The following USH2A variants were observed in gnomAD, a reference collection of about 807,000 sequenced individuals.
USH2A encodes the protein Usher syndrome 2A (autosomal recessive, mild).
A neutral mutation model predicts 538.9 loss-of-function variants in USH2A; 443 were observed. That is an observed-to-expected ratio of 0.82 (90% CI 0.76 to 0.89). USH2A has a LOEUF of 0.89. Ranked by LOEUF, USH2A falls within the 40% of genes least tolerant of loss-of-function variation. The pLI is 0.00. For synonymous variants in USH2A, 2,413 were observed against 2,273.5 expected, an observed-to-expected ratio of 1.06 and a Z score of -1.75; for missense variants, 6,633 against 6,324.8, an observed-to-expected ratio of 1.05 and a Z score of -1.65.
At chr1:216,320,605 T>A (rs193087535) in intron 9 of USH2A, among the ~76,000 whole-genome samples, 132 of 152,306 alleles carry the variant, frequency 8.7e-4, no homozygotes, top group Non-Finnish European at 1.6e-3. Context: ...TTCCCACAAG[T>A]ACTAAATATT....
At chr1:216,101,795 C>G (rs1344342823) in intron 21 of USH2A, among the ~76,000 whole-genome samples, 1 of 152,156 alleles carries the variant, frequency 6.6e-6, no homozygotes, top group Non-Finnish European at 1.5e-5. Context: ...TCTCTATATT[C>G]ATTCATTCAG....
At chr1:216,104,180 T>C (rs943038580) in intron 21 of USH2A, among the ~76,000 whole-genome samples, 3 of 152,112 alleles carry the variant, frequency 2.0e-5, no homozygotes, top group Non-Finnish European at 4.4e-5. Flanking sequence ...ACTCATCATT[T>C]ACATTAGGTA....
chr1:215,828,164 G>A (rs1353943677), intron 47 of USH2A, among the ~76,000 whole-genome samples: 2 of 152,110 alleles, frequency 1.3e-5, no homozygotes, highest in Non-Finnish European at 2.9e-5. Context: ...AATATAGGGG[G>A]ATGCCGGGTG....
intron 19 of USH2A, among the ~76,000 whole-genome samples, chr1:216,195,414 T>C (rs1280227122): frequency 5.3e-5 from 8 of 152,138 alleles, no homozygotes; most frequent in Admixed American, 5.2e-4. Context: ...AGATAGGATG[T>C]CTTGGTATGT....
At chr1:215,827,198 T>C (rs1663180267) in intron 47 of USH2A, among the ~76,000 whole-genome samples, 1 of 152,124 alleles carries the variant, frequency 6.6e-6, no homozygotes, top group South Asian at 2.1e-4. Context: ...GTAGGGAGTC[T>C]TTTTCCTGAG....
chr1:216,111,014 T>C (rs1164340540), intron 21 of USH2A, among the ~76,000 whole-genome samples: 2 of 152,134 alleles, frequency 1.3e-5, no homozygotes, highest in African/African-American at 4.8e-5. Context: ...TCACTTTAGG[T>C]CAGGAGTTTG....
chr1:216,076,782 C>A, intron 27 of USH2A, among the ~76,000 whole-genome samples: 1 of 152,252 alleles, frequency 6.6e-6, no homozygotes, highest in South Asian at 2.1e-4. Context: ...GCATTTAAAT[C>A]TTTATGTACT....
At chr1:215,702,820 T>G (rs1020279821) in intron 61 of USH2A, among the ~76,000 whole-genome samples, 2 of 152,030 alleles carry the variant, frequency 1.3e-5, no homozygotes, top group Admixed American at 6.6e-5. Flanking sequence ...TCTGTCAGTT[T>G]GTCGAAGTCA....
intron 21 of USH2A, among the ~76,000 whole-genome samples, chr1:216,143,827 C>T (rs1162725023): frequency 2.0e-5 from 3 of 152,094 alleles, no homozygotes; most frequent in African/African-American, 7.2e-5. Context: ...ATTTGATTTT[C>T]CAGGACCAAA....
At chr1:216,207,950 A>C (rs933237329) in intron 15 of USH2A, among the ~76,000 whole-genome samples, 1 of 150,404 alleles carries the variant, frequency 6.6e-6, no homozygotes, top group Non-Finnish European at 1.5e-5. Context: ...GATGTTAAAT[A>C]ATCTAAATAT....
intron 21 of USH2A, among the ~76,000 whole-genome samples, chr1:216,163,811 T>C (rs753995093): frequency 4.6e-5 from 7 of 151,300 alleles, no homozygotes; most frequent in African/African-American, 7.3e-5. Context: ...GACTATGCAA[T>C]AGAGGAATTA....
At chr1:215,930,643 T>C (rs1384215826) in intron 38 of USH2A, among the ~76,000 whole-genome samples, 1 of 152,028 alleles carries the variant, frequency 6.6e-6, no homozygotes, top group African/African-American at 2.4e-5. Context: ...TGCCAATCCA[T>C]ACAGGTTTGA....
intron 32 of USH2A, among the ~76,000 whole-genome samples, chr1:216,001,463 A>G (rs1304771826): frequency 1.3e-5 from 2 of 152,142 alleles, no homozygotes; most frequent in African/African-American, 2.4e-5. Context: ...CTTGTATTAG[A>G]TTAAACTAAT....
intron 61 of USH2A, among the ~76,000 whole-genome samples, chr1:215,698,457 C>T (rs972524326): frequency 2.0e-5 from 3 of 152,180 alleles, no homozygotes; most frequent in African/African-American, 7.2e-5. Flanking sequence ...AAAAGTGTTC[C>T]AATTTCTTCA....
At chr1:216,095,252 C>G (rs1047045069) in intron 22 of USH2A, among the ~76,000 whole-genome samples, 2 of 151,974 alleles carry the variant, frequency 1.3e-5, no homozygotes, top group African/African-American at 2.4e-5. Context: ...GTAGTAGTAT[C>G]TAACTTTCTT....
chr1:216,142,531 T>G (rs1299004118), intron 21 of USH2A, among the ~76,000 whole-genome samples: 1 of 152,180 alleles, frequency 6.6e-6, no homozygotes, highest in African/African-American at 2.4e-5. Context: ...TCCTATGCAC[T>G]TAGCAGTTTT....
chr1:215,895,022 C>G (rs1237174810), intron 40 of USH2A, among the ~76,000 whole-genome samples: 1 of 152,184 alleles, frequency 6.6e-6, no homozygotes, highest in Non-Finnish European at 1.5e-5. Context: ...TCTGAGCTTG[C>G]TCTCATGGAC....
chr1:216,211,458 A>C (rs926684272), intron 15 of USH2A, among the ~76,000 whole-genome samples: 1 of 152,200 alleles, frequency 6.6e-6, no homozygotes, highest in African/African-American at 2.4e-5. Context: ...TGGTGTGAGA[A>C]CAGAGGGGGA....
chr1:216,131,636 T>A (rs2033378820), intron 21 of USH2A, among the ~76,000 whole-genome samples: 1 of 152,108 alleles, frequency 6.6e-6, no homozygotes, highest in South Asian at 2.1e-4. Context: ...CAAACCAATC[T>A]ATTTGCTATT....
Sources: gnomAD v4.1 joint callset for allele counts (sites outside exome capture counted in the v4.1 genomes callset) on GRCh38, gnomAD v4.1.1 for gene constraint, MANE v1.5 for transcripts, NCBI Gene and HGNC (gene_info 2026-07-23, HGNC 2026-07-21) for gene names.